The following UBE4B variants were observed in gnomAD, a reference collection of about 807,000 sequenced individuals.
UBE4B encodes ubiquitin conjugation factor E4 B.
Under a neutral mutation model 148.1 loss-of-function variants are expected in UBE4B, and 27 were observed. The observed-to-expected ratio is 0.18, with a 90% CI of 0.13 to 0.25. UBE4B has a LOEUF of 0.25. Ranked by LOEUF, UBE4B falls within the 10% of genes least tolerant of loss-of-function variation. The pLI, the probability that UBE4B is intolerant of heterozygous loss-of-function variation, is 1.00. For missense variants in UBE4B, 1,170 were observed against 1,662.4 expected (o/e 0.70, Z 5.15); for synonymous variants, 596 against 619.3 (o/e 0.96, Z 0.56).
intron 7 of UBE4B, among the ~76,000 whole-genome samples, chr1:10,111,093 A>ACG (rs1491276216): frequency 3.8e-5 from 5 of 132,330 alleles, no homozygotes; most frequent in Non-Finnish European, 8.0e-5. Context: ...ACACACACAC[A>ACG]GTCTTTCCAC....
At chr1:10,044,201 G>A (rs562100868) in intron 1 of UBE4B, among the ~76,000 whole-genome samples, 2 of 152,096 alleles carry the variant, frequency 1.3e-5, no homozygotes, top group East Asian at 1.9e-4. Flanking sequence ...GTATAGGTGC[G>A]TGCCACCATG....
chr1:10,119,724 C>T (rs1020477885), intron 9 of UBE4B, 111 bp downstream of exon 9: 1 of 852,780 alleles, frequency 1.2e-6, no homozygotes, highest in Non-Finnish European at 1.8e-6. Flanking sequence ...CCCTTCCTCA[C>T]CTGTAAAATG....
At chr1:10,152,071 G>A (rs954112998) in intron 21 of UBE4B, among the ~76,000 whole-genome samples, 2 of 151,122 alleles carry the variant, frequency 1.3e-5, no homozygotes, top group Non-Finnish European at 3.0e-5. Context: ...AGCCTGGCCA[G>A]TATGGTGAAA....
In UBE4B at chr1:10,130,747, T is replaced by G; in HGVS notation, c.1845T>G (p.Pro615=). The part of the protein sequence containing the change: ...VKVVEKYFSG[P]AITLENTRVV... ...TGGTTGAAAAATACTTCTCAGGGCC[T>G]GCCATTACCCTGGAAAACACTCGTG... is the stretch of plus-strand genomic sequence containing the variant. The change falls in exon 14 of 28, where the codon CCT becomes CCG. Residue 615 remains proline, a synonymous_variant. Transcript: ENST00000343090. 1 of 1,614,186 alleles carries G rather than the reference T, an allele frequency of 6.2e-7. No homozygotes were observed. The highest frequency in any genetic ancestry group is 8.5e-7 in the Non-Finnish European group (1 of 1,180,032).
At chr1:10,069,701 A>G (rs1040825178) in intron 1 of UBE4B, among the ~76,000 whole-genome samples, 1 of 151,998 alleles carries the variant, frequency 6.6e-6, no homozygotes, top group African/African-American at 2.4e-5. Context: ...TGCCTGGCTG[A>G]TCTTTGTATT....
At chr1:10,050,959 A>C (rs1644028587) in intron 1 of UBE4B, among the ~76,000 whole-genome samples, 1 of 152,114 alleles carries the variant, frequency 6.6e-6, no homozygotes, top group Non-Finnish European at 1.5e-5. Context: ...AAAAAGCCTC[A>C]TTATCAGAGT....
At chr1:10,115,534 A>G (rs1042917477) in intron 7 of UBE4B, among the ~76,000 whole-genome samples, 89 of 152,114 alleles carry the variant, frequency 5.9e-4, no homozygotes, top group African/African-American at 2.0e-3. Context: ...AGCCTCCCAA[A>G]GTGCTGGGAT....
intron 1 of UBE4B, among the ~76,000 whole-genome samples, chr1:10,051,343 G>T (rs567563416): frequency 2.6e-5 from 4 of 152,318 alleles, no homozygotes; most frequent in African/African-American, 9.6e-5. Context: ...TGACCTGGCC[G>T]AGTGGATTCT....
intron 2 of UBE4B, among the ~76,000 whole-genome samples, chr1:10,079,308 G>A (rs1199992323): frequency 1.3e-5 from 2 of 152,026 alleles, no homozygotes; most frequent in South Asian, 2.1e-4. Context: ...ACAGGCATGC[G>A]CCACCACGCC....
chr1:10,162,544 G>T lies in UBE4B; in HGVS notation c.3198+1258G>T, dbSNP rs576428452. On this transcript the variant is annotated intron_variant, in intron 23 of 27. Coordinates refer to ENST00000343090, the MANE Select transcript of UBE4B (RefSeq NM_001105562.3). ...GCCTGTCTTGGACTCCTGACCTCAGGTGATCCATCCGCCTCAGCCTCCCAA... is the reference window on the plus strand; with the variant it reads ...GCCTGTCTTGGACTCCTGACCTCAGTTGATCCATCCGCCTCAGCCTCCCAA... Among the ~76,000 whole-genome samples the T allele has an allele frequency of 3.3e-5, 5 of 151,670 alleles. No homozygotes were observed. In the South Asian group the frequency reaches 1.0e-3, roughly 32 times the overall value.
intron 7 of UBE4B, among the ~76,000 whole-genome samples, chr1:10,114,916 G>A (rs1372075690): frequency 6.6e-6 from 1 of 152,008 alleles, no homozygotes; most frequent in African/African-American, 2.4e-5. Context: ...GATCCCACAC[G>A]GACCTGCCCA....
chr1:10,162,143 C>A (rs527728453), intron 23 of UBE4B, among the ~76,000 whole-genome samples: 4 of 151,920 alleles, frequency 2.6e-5, no homozygotes, highest in Non-Finnish European at 5.9e-5. Flanking sequence ...GGATTACAGG[C>A]GCCTGCCACC....
At position 10,041,750 on chromosome 1, in the gene UBE4B, G is replaced by A. The variant is rs574443367; in HGVS notation, c.24+8056G>A. Among the ~76,000 whole-genome samples, 6 of 152,154 alleles carry A rather than the reference G, an allele frequency of 3.9e-5. No homozygotes were observed. The East Asian group carries it at 1.2e-3, about 29-fold the overall frequency. On this transcript the variant is annotated intron_variant, in intron 1 of 27. Transcript: ENST00000343090. ...CCTCGCTGTGTCCCCATGCTGGAGT[G>A]CAGTGGCACGATCTCTGCTCACTGC...
At position 10,084,068 on chromosome 1, in the gene UBE4B, G is replaced by A. The variant is rs569561362; in HGVS notation, c.212-11393G>A. Among the ~76,000 whole-genome samples the A allele has an allele frequency of 5.3e-5, 8 of 152,066 alleles. No individual in the cohort carries two copies. The South Asian group carries it at 1.7e-3, about 32-fold the overall frequency. On this transcript the variant is annotated intron_variant, in intron 2 of 27. Transcript: ENST00000343090. Reference sequence around the variant, plus strand: ...CTAACCTGGTCCTGCAACCTCTGCTGTGCTTGTAGTTTTACCAACTGCCTG... The same window carrying A: ...CTAACCTGGTCCTGCAACCTCTGCTATGCTTGTAGTTTTACCAACTGCCTG...
intron 25 of UBE4B, among the ~76,000 whole-genome samples, chr1:10,178,295 T>G (rs1646456226): frequency 6.6e-6 from 1 of 152,094 alleles, no homozygotes; most frequent in Non-Finnish European, 1.5e-5. Context: ...CTAGATTTCC[T>G]TCTCTTTTTA....
intron 4 of UBE4B, among the ~76,000 whole-genome samples, chr1:10,102,640 A>C (rs991782505): frequency 6.6e-6 from 1 of 151,588 alleles, no homozygotes; most frequent in Non-Finnish European, 1.5e-5. Context: ...TGAGCTCCTG[A>C]CCTCAGGTGA....
intron 1 of UBE4B, among the ~76,000 whole-genome samples, chr1:10,067,961 C>T (rs1192587499): frequency 6.6e-6 from 1 of 151,822 alleles, no homozygotes; most frequent in Non-Finnish European, 1.5e-5. Context: ...ATCTCCTGAC[C>T]TTGTGATCCG....
At chr1:10,157,325 A>T (rs1485165113) in intron 21 of UBE4B, among the ~76,000 whole-genome samples, 1 of 152,118 alleles carries the variant, frequency 6.6e-6, no homozygotes, top group Non-Finnish European at 1.5e-5. Context: ...TCAGCCATAA[A>T]AAATAAGCCA....
rs759410145 is a variant in UBE4B, at chr1:10,106,597, A to G, written c.1196+14A>G. The G allele has an allele frequency of 1.3e-6, 2 of 1,520,134 alleles. No homozygotes were observed. The highest frequency in any genetic ancestry group is 1.8e-6 in the Non-Finnish European group (2 of 1,142,188). 94.2% of individuals were successfully genotyped at this position (1,520,134 alleles called of 1,614,324 possible). On this transcript the variant is annotated intron_variant, in intron 7 of 27. Coordinates refer to ENST00000343090, the MANE Select transcript of UBE4B (RefSeq NM_001105562.3). This position sits in a 1 kb window ranked among gnomAD's most constrained non-coding sequence, Gnocchi z 4.2. Reference sequence around the variant, plus strand: ...GATCTCTCCTAGGTATTTATCCCACAGGAGAGTTGCATGTGTGTTTGCGGT... The same window carrying G: ...GATCTCTCCTAGGTATTTATCCCACGGGAGAGTTGCATGTGTGTTTGCGGT...
Sources: allele counts gnomAD v4.1 joint callset (sites outside exome capture counted in the v4.1 genomes callset), GRCh38; gene constraint gnomAD v4.1.1; non-coding constraint Gnocchi (gnomAD v3.1); transcripts MANE v1.5; gene names NCBI Gene and HGNC (gene_info 2026-07-23, HGNC 2026-07-21).